The following IRAK1BP1 variants were observed in gnomAD, a reference collection of about 807,000 sequenced individuals.
IRAK1BP1 encodes interleukin-1 receptor-associated kinase 1-binding protein 1.
IRAK1BP1 carries 24 observed loss-of-function variants against 28.0 expected under a neutral mutation model. That is an observed-to-expected ratio of 0.86 (90% CI 0.62 to 1.20). The LOEUF is 1.20. Ranked by LOEUF, IRAK1BP1 falls within the 50% of genes most tolerant of loss-of-function variation. The pLI is 0.00. For missense variants in IRAK1BP1, 336 were observed against 316.7 expected, an observed-to-expected ratio of 1.06 and a Z score of -0.46; for synonymous variants, 131 against 116.3, an observed-to-expected ratio of 1.13 and a Z score of -0.81.
chr6:78,977,232 T>G, the IRAK1BP1 span, among the ~76,000 whole-genome samples: 20 of 151,074 alleles, frequency 1.3e-4, no homozygotes. Context: ...TGTAGGGACA[T>G]GGATGAAATT....
chr6:78,957,175 TCA>T, the IRAK1BP1 span: 64 of 152,182 alleles, frequency 4.2e-4, no homozygotes, highest in African/African-American at 1.5e-3. Flanking sequence ...GAAATACATT[TCA>T]CAGACTTTCA....
At position 78,923,767 on chromosome 6, in the gene IRAK1BP1, C is replaced by G. The variant is rs368324446; in HGVS notation, c.*67+20657C>G. On this transcript the variant is annotated intron_variant and NMD_transcript_variant, in intron 4 of 4. Coordinates refer to the IRAK1BP1 transcript ENST00000606868. ...CTAGAACTCAGGATTAAGAAACTCA[C>G]TCAAAACCACTCAACTACATGGAAA... Among the ~76,000 whole-genome samples the G allele has an allele frequency of 5.9e-5, 9 of 152,266 alleles. No homozygotes were observed. In the South Asian group the frequency reaches 6.2e-4, roughly 11 times the overall value.
the IRAK1BP1 span, chr6:78,955,555 T>G: frequency 1.6e-6 from 1 of 638,446 alleles, no homozygotes; most frequent in Non-Finnish European, 2.8e-6. Flanking sequence ...AACTACAATA[T>G]GTAAATTTTT....
At chr6:78,966,651 T>G in the IRAK1BP1 span, among the ~76,000 whole-genome samples, 208 of 152,338 alleles carry the variant, frequency 1.4e-3, no homozygotes, top group African/African-American at 4.9e-3. Flanking sequence ...GTCTATTTCC[T>G]TATCCAATTG....
the IRAK1BP1 span, among the ~76,000 whole-genome samples, chr6:78,974,128 A>T: frequency 2.0e-5 from 3 of 151,894 alleles, no homozygotes; most frequent in Non-Finnish European, 4.4e-5. Context: ...ACTTGGAAGT[A>T]AAGCTCTCCT....
the IRAK1BP1 span, among the ~76,000 whole-genome samples, chr6:78,953,369 T>C: frequency 3.3e-5 from 5 of 152,214 alleles, no homozygotes; most frequent in African/African-American, 1.2e-4. Flanking sequence ...AATAAAAACA[T>C]TGTCTTATTT....
Position 78,902,225 on chromosome 6 carries a change from TA to T in IRAK1BP1, c.*3896del. 6.6e-6 allele frequency: 1 copy of T among 152,368 alleles called. No homozygotes were observed. The highest frequency in any genetic ancestry group is 1.5e-5 in the Non-Finnish European group (1 of 68,052). The allele number at this position is 152,368 out of a possible 1,614,324, so 9.4% of individuals were successfully genotyped here. On this transcript the variant is annotated 3_prime_UTR_variant, in exon 4 of 4. Transcript: ENST00000369940. The stretch of plus-strand genomic sequence containing the variant: ...AGCTCAATCATAGCTTACTGCAGCC[TA>T]AAAACTCCTGGGCTGAAGAAATCCT...
chr6:78,944,063 A>C (rs1254299568), intron 4 of IRAK1BP1, among the ~76,000 whole-genome samples: 2 of 151,752 alleles, frequency 1.3e-5, no homozygotes, highest in Non-Finnish European at 2.9e-5. Flanking sequence ...TTCCTAAAGA[A>C]GACGATATTT....
intron 4 of IRAK1BP1, among the ~76,000 whole-genome samples, chr6:78,923,653 A>AC (rs1168181820): frequency 6.6e-6 from 1 of 152,204 alleles, no homozygotes; most frequent in Non-Finnish European, 1.5e-5. Context: ...TCCAAAATTG[A>AC]CCACATAGTT....
At chr6:78,868,010 A>G in intron 1 of IRAK1BP1, 119 bp downstream of exon 1, 1 of 1,126,036 alleles carries the variant, frequency 8.9e-7, no homozygotes, top group Non-Finnish European at 1.2e-6. Context: ...AGCGTTTAGG[A>G]CGCGTTTGTT....
At chr6:78,921,340 C>G (rs1486227591) in intron 4 of IRAK1BP1, among the ~76,000 whole-genome samples, 5 of 152,220 alleles carry the variant, frequency 3.3e-5, no homozygotes, top group South Asian at 2.1e-4. Flanking sequence ...GCAAAGCAGT[C>G]TGAGATCAAA....
chr6:78,926,345 C>T (rs1772890415), intron 4 of IRAK1BP1, among the ~76,000 whole-genome samples: 1 of 152,076 alleles, frequency 6.6e-6, no homozygotes, highest in Admixed American at 6.6e-5. Flanking sequence ...GAAAATCATT[C>T]TACTAAAAGA....
the IRAK1BP1 span, chr6:78,970,200 C>T: frequency 6.3e-7 from 1 of 1,595,306 alleles, no homozygotes; most frequent in East Asian, 2.2e-5. Flanking sequence ...ATATAAGGAA[C>T]CATCTTTACA....
At chr6:78,975,888 T>C in the IRAK1BP1 span, among the ~76,000 whole-genome samples, 1 of 149,726 alleles carries the variant, frequency 6.7e-6, no homozygotes, top group Admixed American at 6.6e-5. Context: ...TACAAACAAA[T>C]GGAAGAACAT....
chr6:78,947,851 G>A, downstream of IRAK1BP1: 1 of 952,422 alleles, frequency 1.0e-6, no homozygotes, highest in African/African-American at 1.7e-5. Flanking sequence ...GATTCGCACA[G>A]GATTTTTATG....
chr6:78,904,344 A>G (rs114304769), downstream of IRAK1BP1, among the ~76,000 whole-genome samples: 899 of 152,248 alleles, frequency 5.9e-3, 4 homozygotes, highest in African/African-American at 0.02. Flanking sequence ...TTTACCTCCT[A>G]TTGCCACTGA....
At chr6:78,868,711 T>C (rs1480981544) in intron 1 of IRAK1BP1, among the ~76,000 whole-genome samples, 2 of 152,366 alleles carry the variant, frequency 1.3e-5, no homozygotes, top group South Asian at 2.1e-4. Flanking sequence ...CTCTGAACTT[T>C]AGGTAGAGCA....
chr6:78,957,653 G>C, the IRAK1BP1 span: 1 of 148,968 alleles, frequency 6.7e-6, no homozygotes, highest in South Asian at 2.1e-4. Context: ...AGCTAAGTAA[G>C]CTTTTAAAAT....
chr6:78,898,417 T>TATATATATATATATATAG lies in IRAK1BP1; in HGVS notation c.*100_*101insGATATATATATATATATA, dbSNP rs1771977838. The TATATATATATATATATAG allele has an allele frequency of 7.3e-6, 1 of 137,246 alleles. No individual in the cohort carries two copies. The highest frequency in any genetic ancestry group is 1.4e-5 in the Non-Finnish European group (1 of 69,104). 8.5% of individuals were successfully genotyped at this position (137,246 alleles called of 1,614,324 possible). A position where few individuals can be genotyped will look rare whatever the true frequency, so the allele number is the denominator to read the frequency against. ...AATGTTTACGTTTGTCCTGAATATA[T>TATATATATATATATATAG]ATATATATATATATATATATATATA... On this transcript the variant is annotated 3_prime_UTR_variant, in exon 4 of 4. Transcript: ENST00000369940.
Sources: gnomAD v4.1 joint callset for allele counts (sites outside exome capture counted in the v4.1 genomes callset) on GRCh38, gnomAD v4.1.1 for gene constraint, MANE v1.5 for transcripts, NCBI Gene and HGNC (gene_info 2026-07-23, HGNC 2026-07-21) for gene names.